The following LDLRAD3 variants were observed in gnomAD, a reference collection of about 807,000 sequenced individuals.
LDLRAD3 encodes the protein low-density lipoprotein receptor class A domain-containing protein 3.
In LDLRAD3, 20 loss-of-function variants were observed where a neutral mutation model predicts 29.4. The observed-to-expected ratio is 0.68, with a 90% CI of 0.48 to 0.99. LDLRAD3 has a LOEUF of 0.99. Among genes scored for constraint, LDLRAD3 ranks in the 50% least tolerant of loss-of-function variants. LDLRAD3 has a pLI of 0.00. For synonymous variants in LDLRAD3, 157 were observed against 192.7 expected, an observed-to-expected ratio of 0.81 and a Z score of 1.53; for missense variants, 420 against 454.3, an observed-to-expected ratio of 0.92 and a Z score of 0.69.
intron 1 of LDLRAD3, among the ~76,000 whole-genome samples, chr11:36,007,760 A>G (rs1851903262): frequency 6.6e-6 from 1 of 152,200 alleles, no homozygotes; most frequent in African/African-American, 2.4e-5. Context: ...GCCTCTGCAG[A>G]CCAGTGATTT....
intron 1 of LDLRAD3, among the ~76,000 whole-genome samples, chr11:36,009,605 A>G (rs1418935890): frequency 6.6e-6 from 1 of 152,220 alleles, no homozygotes; most frequent in Non-Finnish European, 1.5e-5. Flanking sequence ...CCTCCACTAT[A>G]ATCACTGTCA....
chr11:36,130,727 A>G (rs1203392945), intron 4 of LDLRAD3, among the ~76,000 whole-genome samples: 5 of 152,166 alleles, frequency 3.3e-5, no homozygotes, highest in African/African-American at 1.2e-4. Flanking sequence ...CAGCCCACGT[A>G]GTCCTCACAG....
At chr11:36,128,117 C>CATATATGTATATATATATATAT (rs1853865530) in intron 4 of LDLRAD3, among the ~76,000 whole-genome samples, 1 of 98,954 alleles carries the variant, frequency 1.0e-5, no homozygotes, top group Non-Finnish European at 2.3e-5. Context: ...GTTGTTTTTA[C>CATATATGTATATATATATATAT]ATATATATAT....
At chr11:36,009,174 A>G (rs1330281547) in intron 1 of LDLRAD3, among the ~76,000 whole-genome samples, 1 of 152,102 alleles carries the variant, frequency 6.6e-6, no homozygotes, top group African/African-American at 2.4e-5. Flanking sequence ...CCCAACTCAT[A>G]TCTGTGGCTA....
At chr11:36,008,106 C>G (rs1851907304) in intron 1 of LDLRAD3, among the ~76,000 whole-genome samples, 1 of 152,070 alleles carries the variant, frequency 6.6e-6, no homozygotes, top group Non-Finnish European at 1.5e-5. Flanking sequence ...TGTAAAGGCT[C>G]CGGCACATGG....
chr11:36,087,599 A>G (rs1590256418), intron 3 of LDLRAD3, among the ~76,000 whole-genome samples: 1 of 152,238 alleles, frequency 6.6e-6, no homozygotes, highest in African/African-American at 2.4e-5. Context: ...TGACTTTAAC[A>G]AAAATAACTA....
At chr11:35,999,879 A>G (rs756095864) in intron 1 of LDLRAD3, among the ~76,000 whole-genome samples, 2 of 152,144 alleles carry the variant, frequency 1.3e-5, no homozygotes, top group Non-Finnish European at 2.9e-5. Context: ...TGTGGATGCA[A>G]CATTATTGCT....
chr11:36,017,911 C>T (rs1852044695), intron 1 of LDLRAD3, among the ~76,000 whole-genome samples: 1 of 152,188 alleles, frequency 6.6e-6, no homozygotes, highest in Non-Finnish European at 1.5e-5. Context: ...CTCTGTTCTA[C>T]TGTGTAGCTG....
chr11:35,965,121 G>GA (rs1306342324), intron 1 of LDLRAD3, among the ~76,000 whole-genome samples: 3 of 151,824 alleles, frequency 2.0e-5, no homozygotes, highest in South Asian at 2.1e-4. Flanking sequence ...TGAAAAAAAA[G>GA]AAAAAAACAA....
At chr11:35,984,368 TG>T (rs1283964453) in intron 1 of LDLRAD3, among the ~76,000 whole-genome samples, 4 of 152,184 alleles carry the variant, frequency 2.6e-5, no homozygotes, top group African/African-American at 9.7e-5. Context: ...AGAAGGGATC[TG>T]GGTCTCAGAG....
rs773442129 is a variant in LDLRAD3, at chr11:36,191,307, G to T, written c.455-35778G>T. Among the ~76,000 whole-genome samples, 15 of 152,208 alleles carry T rather than the reference G, an allele frequency of 9.9e-5. 1 individual carries two copies. The South Asian group carries it at 3.1e-3, about 32-fold the overall frequency. On this transcript the variant is annotated intron_variant, in intron 4 of 5. Transcript: ENST00000315571. ...AATCCCAACACTTTGGGAGGCTGAGGAAAGAGGATCACTTGATGCCAGGAA... is the reference window on the plus strand; with the variant it reads ...AATCCCAACACTTTGGGAGGCTGAGTAAAGAGGATCACTTGATGCCAGGAA...
At chr11:36,098,853 A>G (rs1219141503) in intron 4 of LDLRAD3, among the ~76,000 whole-genome samples, 2 of 151,980 alleles carry the variant, frequency 1.3e-5, no homozygotes, top group Non-Finnish European at 2.9e-5. Context: ...GGATGTCTGC[A>G]CAGGTGTCTG....
intron 4 of LDLRAD3, among the ~76,000 whole-genome samples, chr11:36,135,024 T>C (rs1312658042): frequency 6.6e-6 from 1 of 152,098 alleles, no homozygotes; most frequent in Admixed American, 6.5e-5. Flanking sequence ...TTTTCCCTGT[T>C]TCCCCTCTCT....
chr11:36,191,431 T>C (rs998845548), intron 4 of LDLRAD3, among the ~76,000 whole-genome samples: 1 of 151,524 alleles, frequency 6.6e-6, no homozygotes, highest in Non-Finnish European at 1.5e-5. Flanking sequence ...CAATCCCAGC[T>C]ACTCCAGAGG....
intron 4 of LDLRAD3, among the ~76,000 whole-genome samples, chr11:36,128,041 C>T (rs1479813752): frequency 6.7e-6 from 1 of 150,220 alleles, no homozygotes; most frequent in African/African-American, 2.4e-5. Context: ...CTACCCCACA[C>T]TCACTGATCT....
intron 4 of LDLRAD3, among the ~76,000 whole-genome samples, chr11:36,133,777 T>A (rs922032947): frequency 2.6e-5 from 4 of 151,904 alleles, no homozygotes; most frequent in Non-Finnish European, 5.9e-5. Flanking sequence ...GACCTTGTGA[T>A]CCGCCTGCCT....
intron 4 of LDLRAD3, among the ~76,000 whole-genome samples, chr11:36,112,239 C>T (rs1213231032): frequency 2.0e-5 from 3 of 152,162 alleles, no homozygotes. Context: ...CTCTGAAACC[C>T]TCCTTTTTGC....
At chr11:35,953,429 A>G (rs1320112626) in intron 1 of LDLRAD3, among the ~76,000 whole-genome samples, 8 of 152,190 alleles carry the variant, frequency 5.3e-5, no homozygotes, top group Admixed American at 4.6e-4. Context: ...AAGAAATGAA[A>G]GCATAAAGGG....
At chr11:35,953,545 C>T in intron 1 of LDLRAD3, among the ~76,000 whole-genome samples, 1 of 152,186 alleles carries the variant, frequency 6.6e-6, no homozygotes, top group East Asian at 1.9e-4. Flanking sequence ...ATTACTGGAA[C>T]ATTTTCCTTC....
Sources: allele counts gnomAD v4.1 joint callset (sites outside exome capture counted in the v4.1 genomes callset), GRCh38; gene constraint gnomAD v4.1.1; transcripts MANE v1.5; gene names NCBI Gene and HGNC (gene_info 2026-07-23, HGNC 2026-07-21).